The following HS3ST3B1 variants were observed in gnomAD, a reference collection of about 807,000 sequenced individuals.
HS3ST3B1 encodes heparan sulfate glucosamine 3-O-sulfotransferase 3B1.
HS3ST3B1 carries 13 observed loss-of-function variants against 21.3 expected under a neutral mutation model. The observed-to-expected ratio is 0.61, with a 90% CI of 0.40 to 0.97. The LOEUF is 0.97. Ranked by LOEUF, HS3ST3B1 falls within the 50% of genes least tolerant of loss-of-function variation. The probability of loss-of-function intolerance (pLI) is 0.00; values close to 1 mark genes in which losing one functional copy is unlikely to be tolerated. For missense variants in HS3ST3B1, 459 were observed against 554.8 expected, an observed-to-expected ratio of 0.83 and a Z score of 1.73; for synonymous variants, 234 against 254.8, an observed-to-expected ratio of 0.92 and a Z score of 0.78.
chr17:14,345,958 T>C lies in HS3ST3B1; in HGVS notation c.*312T>C. 1 of 277,408 alleles carries C rather than the reference T, an allele frequency of 3.6e-6. No homozygotes were observed. The highest frequency in any genetic ancestry group is 6.7e-6 in the Non-Finnish European group (1 of 149,694). 17.2% of individuals were successfully genotyped at this position (277,408 alleles called of 1,614,324 possible). On this transcript the variant is annotated 3_prime_UTR_variant, in exon 2 of 2. Transcript: ENST00000360954. ...TTTTTGTTGTTACGGGTATTCAGCC[T>C]TCAGTCACCGTCTGAGTTCTCCAGT...
chr17:14,331,306 C>G (rs372854660), intron 1 of HS3ST3B1, among the ~76,000 whole-genome samples: 1 of 151,934 alleles, frequency 6.6e-6, no homozygotes, highest in African/African-American at 2.4e-5. Context: ...CCACCCCCAC[C>G]CCCAGCCCCT....
intron 1 of HS3ST3B1, chr17:14,329,364 A>AAGTAAG (rs1555549490): frequency 1.1e-5 from 1 of 91,686 alleles, no homozygotes; most frequent in Admixed American, 1.2e-4. Flanking sequence ...AAAGAAAGAA[A>AAGTAAG]GAAAAGGAAG....
intron 1 of HS3ST3B1, among the ~76,000 whole-genome samples, chr17:14,338,539 T>A (rs1178840411): frequency 6.6e-6 from 1 of 151,694 alleles, no homozygotes; most frequent in Non-Finnish European, 1.5e-5. Flanking sequence ...GCGTCCCAGG[T>A]TCAAGTGATT....
At chr17:14,321,630 A>G (rs906618971) in intron 1 of HS3ST3B1, among the ~76,000 whole-genome samples, 1 of 152,170 alleles carries the variant, frequency 6.6e-6, no homozygotes, top group Non-Finnish European at 1.5e-5. Flanking sequence ...TGCCTTGAGC[A>G]ACCCTGGCCT....
At chr17:14,337,494 A>ATTTTTTTT (rs5819471) in intron 1 of HS3ST3B1, among the ~76,000 whole-genome samples, 1 of 140,934 alleles carries the variant, frequency 7.1e-6, no homozygotes, top group Non-Finnish European at 1.5e-5. Context: ...TGCCTGGCTA[A>ATTTTTTTT]TTTTTTTTTT....
At chr17:14,326,034 T>C (rs34306851) in intron 1 of HS3ST3B1, among the ~76,000 whole-genome samples, 26,934 of 152,108 alleles carry the variant, frequency 0.18, 2,980 homozygotes, top group Non-Finnish European at 0.23. Flanking sequence ...TGTGTGTGTG[T>C]GCACGCACGT....
intron 1 of HS3ST3B1, among the ~76,000 whole-genome samples, chr17:14,313,063 C>T (rs1909361478): frequency 8.3e-6 from 1 of 120,932 alleles, no homozygotes. Flanking sequence ...CACCACACCA[C>T]ACCCAGCTAA....
chr17:14,345,405 T>C lies in HS3ST3B1; in HGVS notation c.932T>C (p.Val311Ala). 7.9e-7 allele frequency: 1 copy of C among 1,258,650 alleles called. No homozygotes were observed. The highest frequency in any genetic ancestry group is 1.1e-6 in the Non-Finnish European group (1 of 893,228). 78.0% of individuals were successfully genotyped at this position (1,258,650 alleles called of 1,614,324 possible). A position where few individuals can be genotyped will look rare whatever the true frequency, so the allele number is the denominator to read the frequency against. The change falls in exon 2 of 2, where the codon GTG becomes GCG. Residue 311 changes from valine to alanine, a missense_variant. Val to Ala is a moderately conservative substitution (Grantham distance 64, BLOSUM62 0). Coordinates refer to ENST00000360954, the MANE Select transcript of HS3ST3B1 (RefSeq NM_006041.3). ...GACCCGGCCGGGGAGCTGGGCCGCGTGCAAGACTTCCTGGGCCTCAAGAGG... is the reference window on the plus strand; with the variant it reads ...GACCCGGCCGGGGAGCTGGGCCGCGCGCAAGACTTCCTGGGCCTCAAGAGG... ...ISDPAGELGR[V>A]QDFLGLKRII...
intron 1 of HS3ST3B1, among the ~76,000 whole-genome samples, chr17:14,335,693 CAA>C (rs577734801): frequency 3.0e-5 from 4 of 135,382 alleles, no homozygotes; most frequent in Admixed American, 7.5e-5. Context: ...GACTCTGTCT[CAA>C]AAAAAAAAAA....
rs559451248 is a variant in HS3ST3B1 at position 14,347,742 on chromosome 17, C to G, written c.*2096C>G. The G allele has an allele frequency of 2.0e-5, 3 of 152,202 alleles. No individual in the cohort carries two copies. The South Asian group carries it at 6.2e-4, about 32-fold the overall frequency. 9.4% of individuals were successfully genotyped at this position (152,202 alleles called of 1,614,324 possible). ...CAGCCAAACCATCATTGTGTAGGTT[C>G]TGTTTTGGAGGAAGCTCATGGGGGA... is the stretch of plus-strand genomic sequence containing the variant. On this transcript the variant is annotated 3_prime_UTR_variant, in exon 2 of 2. Transcript: ENST00000360954.
At chr17:14,306,053 A>G (rs1202782241) in intron 1 of HS3ST3B1, among the ~76,000 whole-genome samples, 1 of 152,188 alleles carries the variant, frequency 6.6e-6, no homozygotes, top group African/African-American at 2.4e-5. Flanking sequence ...CAAGATATTT[A>G]TCATATAGCA....
intron 1 of HS3ST3B1, among the ~76,000 whole-genome samples, chr17:14,318,909 T>C (rs1261122617): frequency 1.3e-5 from 2 of 152,252 alleles, no homozygotes; most frequent in Non-Finnish European, 2.9e-5. Context: ...TCCTCAAGAC[T>C]GAAGCTTTCG....
intron 1 of HS3ST3B1, among the ~76,000 whole-genome samples, chr17:14,343,174 G>A (rs564653202): frequency 2.2e-4 from 33 of 151,928 alleles, no homozygotes; most frequent in African/African-American, 7.2e-4. Flanking sequence ...CCCGAGAGGC[G>A]GAGGTTGCAG....
intron 1 of HS3ST3B1, among the ~76,000 whole-genome samples, chr17:14,317,829 C>CA (rs1909545163): frequency 6.6e-6 from 1 of 152,134 alleles, no homozygotes; most frequent in Admixed American, 6.6e-5. Context: ...GAGACATTCA[C>CA]AAGCTTTATA....
intron 1 of HS3ST3B1, among the ~76,000 whole-genome samples, chr17:14,335,536 A>G (rs1302503644): frequency 1.3e-5 from 2 of 152,132 alleles, no homozygotes; most frequent in African/African-American, 4.8e-5. Flanking sequence ...CTCTACTAAA[A>G]ATACAAAAAT....
intron 1 of HS3ST3B1, among the ~76,000 whole-genome samples, chr17:14,321,396 A>T (rs866359571): frequency 6.6e-6 from 1 of 152,128 alleles, no homozygotes; most frequent in Admixed American, 6.5e-5. Context: ...AGCTTCATGT[A>T]TCTCCCGTCT....
At chr17:14,326,168 G>A (rs1330744629) in intron 1 of HS3ST3B1, among the ~76,000 whole-genome samples, 1 of 152,180 alleles carries the variant, frequency 6.6e-6, no homozygotes, top group African/African-American at 2.4e-5. Context: ...CCAGGAGGAG[G>A]GAAGTCCATG....
chr17:14,306,463 A>G (rs1052141025), intron 1 of HS3ST3B1, among the ~76,000 whole-genome samples: 1 of 152,248 alleles, frequency 6.6e-6, no homozygotes, highest in Admixed American at 6.5e-5. Context: ...GAGTGCCCCC[A>G]AATCAAGTTC....
chr17:14,311,368 C>T (rs1286580008), intron 1 of HS3ST3B1, among the ~76,000 whole-genome samples: 1 of 152,138 alleles, frequency 6.6e-6, no homozygotes, highest in Non-Finnish European at 1.5e-5. Context: ...TGTGAGCCAC[C>T]ACGCCAGACC....
Sources: allele counts gnomAD v4.1 joint callset (sites outside exome capture counted in the v4.1 genomes callset), GRCh38; gene constraint gnomAD v4.1.1; transcripts MANE v1.5; gene names NCBI Gene and HGNC (gene_info 2026-07-23, HGNC 2026-07-21).